The following NAV3 variants were observed in gnomAD, a reference collection of about 807,000 sequenced individuals.
NAV3 encodes the protein pore membrane and/or filament interacting like protein 1.
Under a neutral mutation model 244.7 loss-of-function variants are expected in NAV3, and 87 were observed. That is an observed-to-expected ratio of 0.36 (90% CI 0.30 to 0.42). The LOEUF is 0.42. NAV3 is among the 20% of genes least tolerant of loss of function. The pLI is 1.00. For synonymous variants in NAV3, 1,126 were observed against 1,042.2 expected (o/e 1.08, Z -1.55); for missense variants, 2,663 against 2,893.3 (o/e 0.92, Z 1.83).
intron 3 of NAV3, among the ~76,000 whole-genome samples, chr12:77,958,162 G>A (rs1410776095): frequency 6.6e-6 from 1 of 152,230 alleles, no homozygotes; most frequent in Admixed American, 6.5e-5. Flanking sequence ...TTTATATTTA[G>A]CAAGTATGTA....
Position 77,824,376 on chromosome 12 carries a change from C to A in NAV3, c.73-115943C>A, listed in dbSNP as rs149922381. ...CCAAAGTGCTGGGATTACAGGCATG[C>A]GCCACTGCGCCCGGCCGAGAGTAAG... On this transcript the variant is annotated intron_variant, in intron 2 of 8. Transcript: ENST00000550042. 3.7e-4 allele frequency among the ~76,000 whole-genome samples: 55 copies of A among 150,160 alleles called. No individual in the cohort carries two copies. In the East Asian group the frequency reaches 4.2e-3, roughly 11 times the overall value.
At chr12:77,584,275 G>T (rs1869498700) in intron 2 of NAV3, among the ~76,000 whole-genome samples, 1 of 151,906 alleles carries the variant, frequency 6.6e-6, no homozygotes, top group East Asian at 1.9e-4. Flanking sequence ...AAGAAGAAAA[G>T]CCTATGTGGG....
chr12:78,178,650 C>T (rs1034497940), intron 28 of NAV3, among the ~76,000 whole-genome samples: 1 of 152,012 alleles, frequency 6.6e-6, no homozygotes, highest in Non-Finnish European at 1.5e-5. Context: ...CCTTGTATGC[C>T]CATGACAACA....
At chr12:77,855,569 C>T (rs1451653049) in intron 1 of NAV3, among the ~76,000 whole-genome samples, 1 of 152,196 alleles carries the variant, frequency 6.6e-6, no homozygotes, top group African/African-American at 2.4e-5. Context: ...GTATTCACAT[C>T]CATCTTGAAT....
At chr12:77,868,777 A>G (rs190738507) in intron 1 of NAV3, among the ~76,000 whole-genome samples, 2 of 151,118 alleles carry the variant, frequency 1.3e-5, no homozygotes, top group African/African-American at 2.4e-5. Flanking sequence ...AAAAAGAAAA[A>G]AAAACTTAGA....
At chr12:77,834,892 A>G (rs11106920) in intron 1 of NAV3, among the ~76,000 whole-genome samples, 131,488 of 152,038 alleles carry the variant, frequency 0.86, 57,131 homozygotes, top group Non-Finnish European at 0.91. Context: ...GAAAAAAAAA[A>G]AAACCCAGAA....
At chr12:77,632,565 C>T (rs926745965) in intron 2 of NAV3, among the ~76,000 whole-genome samples, 9 of 152,106 alleles carry the variant, frequency 5.9e-5, no homozygotes, top group Admixed American at 2.6e-4. Context: ...ACCTCCCATT[C>T]GGTCCCTCCC....
chr12:77,836,285 T>A (rs1474370855), intron 1 of NAV3, among the ~76,000 whole-genome samples: 3 of 152,196 alleles, frequency 2.0e-5, no homozygotes, highest in Non-Finnish European at 4.4e-5. Flanking sequence ...TGTGGAGCAC[T>A]TCCTGGCTTT....
chr12:77,819,889 T>C (rs534253102), intron 2 of NAV3, among the ~76,000 whole-genome samples: 4 of 152,314 alleles, frequency 2.6e-5, no homozygotes, highest in African/African-American at 7.2e-5. Context: ...AAGCAGGGTA[T>C]ATGCAAGAAA....
chr12:78,027,270 TAA>T (rs879393857), intron 9 of NAV3, among the ~76,000 whole-genome samples: 3 of 141,904 alleles, frequency 2.1e-5, no homozygotes, highest in Non-Finnish European at 1.5e-5. Flanking sequence ...ACCCTGTCTC[TAA>T]AAAAAAAAAA....
At chr12:77,984,558 A>C (rs888268427) in intron 5 of NAV3, among the ~76,000 whole-genome samples, 4 of 151,842 alleles carry the variant, frequency 2.6e-5, no homozygotes, top group Admixed American at 2.6e-4. Context: ...GGTCCTCATA[A>C]AAGCCTTTAG....
intron 23 of NAV3, among the ~76,000 whole-genome samples, chr12:78,168,021 G>T (rs1160120226): frequency 6.6e-6 from 1 of 151,474 alleles, no homozygotes; most frequent in Non-Finnish European, 1.5e-5. Flanking sequence ...GAAAATATAT[G>T]CTTTATTAAA....
chr12:78,114,910 T>G (rs1357053414), intron 12 of NAV3, among the ~76,000 whole-genome samples: 1 of 152,210 alleles, frequency 6.6e-6, no homozygotes, highest in Non-Finnish European at 1.5e-5. Context: ...TCTCAGCAGC[T>G]AAAACTTCAA....
At chr12:77,715,713 G>A (rs574739907) in intron 2 of NAV3, among the ~76,000 whole-genome samples, 49 of 152,028 alleles carry the variant, frequency 3.2e-4, no homozygotes, top group African/African-American at 1.0e-3. Flanking sequence ...GTGTCATTAC[G>A]AAACAGGCAC....
intron 2 of NAV3, among the ~76,000 whole-genome samples, chr12:77,603,625 T>G (rs886242685): frequency 3.9e-5 from 6 of 152,082 alleles, no homozygotes; most frequent in African/African-American, 1.4e-4. Context: ...ATTGAGTAAG[T>G]GAAGTCAGAA....
intron 12 of NAV3, among the ~76,000 whole-genome samples, chr12:78,085,040 TAATC>T (rs1490105351): frequency 1.3e-5 from 2 of 152,126 alleles, no homozygotes; most frequent in East Asian, 1.9e-4. Context: ...GGATGGGTAA[TAATC>T]AACATAATTA....
At chr12:78,186,306 G>A (rs559622006) in intron 31 of NAV3, among the ~76,000 whole-genome samples, 59 of 151,968 alleles carry the variant, frequency 3.9e-4, no homozygotes, top group African/African-American at 1.1e-3. Flanking sequence ...TAAAATTTTA[G>A]TTGAGTGGCC....
chr12:77,878,250 G>A (rs1414843547), intron 1 of NAV3, among the ~76,000 whole-genome samples: 1 of 151,938 alleles, frequency 6.6e-6, no homozygotes, highest in Non-Finnish European at 1.5e-5. Context: ...TTTTTGAGAT[G>A]GTGTCTTGCT....
intron 1 of NAV3, among the ~76,000 whole-genome samples, chr12:77,833,237 G>T (rs1341069833): frequency 1.3e-5 from 2 of 152,096 alleles, no homozygotes; most frequent in Admixed American, 6.5e-5. Context: ...GGCAGGTCTC[G>T]TATCTTATCC....
Sources: allele counts gnomAD v4.1 joint callset (sites outside exome capture counted in the v4.1 genomes callset), GRCh38; gene constraint gnomAD v4.1.1; transcripts MANE v1.5; gene names NCBI Gene and HGNC (gene_info 2026-07-23, HGNC 2026-07-21).